LMBR1: variants seen among roughly 807,000 people sequenced by gnomAD.
The protein encoded by LMBR1 is limb development membrane protein 1.
LMBR1 carries 52 observed loss-of-function variants against 73.9 expected under a neutral mutation model. That is an observed-to-expected ratio of 0.70 (90% CI 0.56 to 0.89). The LOEUF (loss-of-function observed/expected upper bound fraction) is 0.89, where lower values mean the gene tolerates loss of function less well. Among genes scored for constraint, LMBR1 ranks in the 40% least tolerant of loss-of-function variants. LMBR1 has a pLI of 0.00. For synonymous variants in LMBR1, 215 were observed against 209.4 expected (o/e 1.03, Z -0.23); for missense variants, 539 against 579.8 (o/e 0.93, Z 0.72).
intron 14 of LMBR1, among the ~76,000 whole-genome samples, 178 bp from the exon 15 acceptor site, chr7:156,724,356 G>C (rs541372725): frequency 6.6e-6 from 1 of 152,054 alleles, no homozygotes; most frequent in Non-Finnish European, 1.5e-5. Flanking sequence ...AATAAATAAA[G>C]TTATATCTGT....
downstream of LMBR1, chr7:156,677,264 C>T (rs538107383): frequency 1.3e-5 from 2 of 152,430 alleles, no homozygotes; most frequent in East Asian, 3.9e-4. Flanking sequence ...TTTACAGTAA[C>T]CAGTTACAGT....
At chr7:156,855,998 A>T (rs1796912108) in intron 1 of LMBR1, among the ~76,000 whole-genome samples, 1 of 152,186 alleles carries the variant, frequency 6.6e-6, no homozygotes, top group Admixed American at 6.5e-5. Context: ...GATCAAGACC[A>T]TCCTGGCTAA....
intron 1 of LMBR1, among the ~76,000 whole-genome samples, chr7:156,878,338 A>G (rs1343591408): frequency 1.3e-5 from 2 of 152,248 alleles, no homozygotes; most frequent in African/African-American, 4.8e-5. Flanking sequence ...TAAAACTGAT[A>G]AATGAATTCA....
intron 1 of LMBR1, among the ~76,000 whole-genome samples, chr7:156,866,406 G>C (rs1798462100): frequency 6.6e-6 from 1 of 151,756 alleles, no homozygotes; most frequent in Admixed American, 6.6e-5. Context: ...ACAGGGGCCA[G>C]TTGTAGATGC....
At chr7:156,778,185 A>G (rs1391726387) in intron 5 of LMBR1, among the ~76,000 whole-genome samples, 1 of 152,240 alleles carries the variant, frequency 6.6e-6, no homozygotes, top group Non-Finnish European at 1.5e-5. Flanking sequence ...AAATTAGTCA[A>G]TATTTCTTTT....
intron 4 of LMBR1, among the ~76,000 whole-genome samples, chr7:156,798,587 C>A (rs1302965677): frequency 1.3e-5 from 2 of 152,176 alleles, no homozygotes; most frequent in African/African-American, 4.8e-5. Context: ...AGTGCATGGT[C>A]TTTGGCCTCT....
intron 5 of LMBR1, chr7:156,779,810 G>A (rs890789999): frequency 4.6e-5 from 24 of 519,112 alleles, no homozygotes; most frequent in African/African-American, 3.9e-4. Flanking sequence ...TACATTCACA[G>A]AACATTTAAA....
intron 1 of LMBR1, among the ~76,000 whole-genome samples, chr7:156,838,482 T>A (rs1296772383): frequency 6.6e-6 from 1 of 152,240 alleles, no homozygotes; most frequent in East Asian, 1.9e-4. Flanking sequence ...TTTCTGTGTC[T>A]GGCTTATTTT....
chr7:156,751,021 G>C (rs775689214), intron 9 of LMBR1, among the ~76,000 whole-genome samples: 1 of 152,064 alleles, frequency 6.6e-6, no homozygotes, highest in Non-Finnish European at 1.5e-5. Context: ...AAAGGGGAAC[G>C]ATCACCTGAG....
intron 15 of LMBR1, among the ~76,000 whole-genome samples, chr7:156,709,896 A>ATTTTTTTTTTTTTTTTTT (rs34487923): frequency 5.5e-5 from 5 of 90,356 alleles, no homozygotes; most frequent in African/African-American, 1.9e-4. Context: ...CAGAAGGTTG[A>ATTTTTTTTTTTTTTTTTT]TTTTTTTTTT....
rs1227009880 is a variant in LMBR1 at position 156,681,167 on chromosome 7, A to G, written c.*2911T>C. 2.2e-5 allele frequency: 10 copies of G among 454,010 alleles called. No homozygotes were observed. The Admixed American group carries it at 2.4e-4, about 11-fold the overall frequency. 28.1% of individuals were successfully genotyped at this position (454,010 alleles called of 1,614,324 possible). ...AAAACTAGCACATAAGAGCCTGTAAATGATGAAAACCTGTGTCCCTGGCAG... is the reference window on the plus strand; with the variant it reads ...AAAACTAGCACATAAGAGCCTGTAAGTGATGAAAACCTGTGTCCCTGGCAG... On this transcript the variant is annotated 3_prime_UTR_variant, in exon 17 of 17. Transcript: ENST00000353442.
At chr7:156,828,459 A>G (rs1232682734) in intron 3 of LMBR1, among the ~76,000 whole-genome samples, 2 of 152,226 alleles carry the variant, frequency 1.3e-5, no homozygotes, top group African/African-American at 2.4e-5. Flanking sequence ...TGTGGTAGTA[A>G]GACAAGTGTT....
intron 4 of LMBR1, among the ~76,000 whole-genome samples, chr7:156,816,868 A>C (rs1479849967): frequency 2.6e-5 from 4 of 152,148 alleles, no homozygotes; most frequent in Non-Finnish European, 4.4e-5. Flanking sequence ...AATCATTCTT[A>C]AAAATTACTG....
chr7:156,850,224 C>A (rs957699303), intron 1 of LMBR1, among the ~76,000 whole-genome samples: 3 of 152,124 alleles, frequency 2.0e-5, no homozygotes, highest in African/African-American at 7.2e-5. Context: ...GTCTGGCCCC[C>A]TTCTTGCCCT....
At chr7:156,735,608 C>T (rs923772176) in intron 9 of LMBR1, among the ~76,000 whole-genome samples, 1 of 143,098 alleles carries the variant, frequency 7.0e-6, no homozygotes, top group African/African-American at 2.6e-5. Flanking sequence ...GTTCTGTTTG[C>T]TAGGGTTTTT....
At chr7:156,804,999 TAC>T (rs1226069087) in intron 4 of LMBR1, among the ~76,000 whole-genome samples, 2 of 152,184 alleles carry the variant, frequency 1.3e-5, no homozygotes, top group African/African-American at 2.4e-5. Flanking sequence ...TCCCTTGAGT[TAC>T]AGTTTGCGAA....
At chr7:156,860,110 C>T (rs536929968) in intron 1 of LMBR1, among the ~76,000 whole-genome samples, 5 of 152,264 alleles carry the variant, frequency 3.3e-5, no homozygotes, top group Non-Finnish European at 5.9e-5. Flanking sequence ...GACCCTATGG[C>T]GTTCCCAAAA....
chr7:156,693,050 C>A (rs1338778123), intron 15 of LMBR1, among the ~76,000 whole-genome samples: 1 of 150,324 alleles, frequency 6.7e-6, no homozygotes, highest in East Asian at 1.9e-4. Flanking sequence ...TTTAAAGACA[C>A]AGCAACAGGA....
intron 9 of LMBR1, among the ~76,000 whole-genome samples, chr7:156,748,274 G>A (rs1461214559): frequency 2.0e-5 from 3 of 151,888 alleles, no homozygotes; most frequent in Admixed American, 6.6e-5. Context: ...ATCAACTTTA[G>A]GAACATTATA....
Sources: allele counts gnomAD v4.1 joint callset (sites outside exome capture counted in the v4.1 genomes callset), GRCh38; gene constraint gnomAD v4.1.1; transcripts MANE v1.5; gene names NCBI Gene and HGNC (gene_info 2026-07-23, HGNC 2026-07-21).